SAR1B: variants seen among roughly 807,000 people sequenced by gnomAD.
The protein encoded by SAR1B is secretion associated Ras related GTPase 1B, also known as small COPII coat GTPase SAR1B.
In SAR1B, 23 loss-of-function variants were observed where a neutral mutation model predicts 26.8. That is an observed-to-expected ratio of 0.86 (90% CI 0.62 to 1.22). The LOEUF (loss-of-function observed/expected upper bound fraction) is 1.22. Ranked by LOEUF, SAR1B falls within the 50% of genes most tolerant of loss-of-function variation. The pLI is 0.00. For synonymous variants in SAR1B, 65 were observed against 80.8 expected, an observed-to-expected ratio of 0.80 and a Z score of 1.05; for missense variants, 196 against 232.8, an observed-to-expected ratio of 0.84 and a Z score of 1.03.
intron 3 of SAR1B, among the ~76,000 whole-genome samples, chr5:134,619,658 C>T (rs1765371999): frequency 6.6e-6 from 1 of 152,020 alleles, no homozygotes; most frequent in Admixed American, 6.6e-5. Flanking sequence ...GCCACCACAC[C>T]CACCCTTGTT....
At chr5:134,622,012 C>A (rs1765416837) in intron 2 of SAR1B, among the ~76,000 whole-genome samples, 2 of 152,334 alleles carry the variant, frequency 1.3e-5, no homozygotes, top group South Asian at 4.1e-4. Flanking sequence ...GCGTGAGCCA[C>A]ACGCCCAGCC....
intron 1 of SAR1B, among the ~76,000 whole-genome samples, chr5:134,630,107 T>C (rs1765573661): frequency 6.7e-6 from 1 of 149,778 alleles, no homozygotes; most frequent in South Asian, 2.1e-4. Flanking sequence ...GGGATGAGTA[T>C]TTAAAGTGAG....
At position 134,602,402 on chromosome 5, in the gene SAR1B, G is replaced by A. The variant is rs1765048517; in HGVS notation, c.*4548C>T. 6.6e-6 allele frequency: 1 copy of A among 152,152 alleles called. No individual in the cohort carries two copies. Among genetic ancestry groups the A allele is most frequent in the African/African-American group, 2.4e-5 (1 of 41,432 alleles). The allele number at this position is 152,152 out of a possible 1,614,324, so 9.4% of individuals were successfully genotyped here. On this transcript the variant is annotated 3_prime_UTR_variant, in exon 7 of 7. Coordinates refer to ENST00000402673, the MANE Select transcript of SAR1B (RefSeq NM_016103.4). ...TCTTTAAAATCCAGGTGTTGGGTGG[G>A]GATTTGTGAGGGGGAATGGTAACAG...
At chr5:134,609,907 T>G (rs1353031038) in intron 4 of SAR1B, among the ~76,000 whole-genome samples, 3 of 151,578 alleles carry the variant, frequency 2.0e-5, no homozygotes, top group Non-Finnish European at 4.4e-5. Context: ...CTCTTCCAAT[T>G]ATCATATGTA....
Position 134,604,391 on chromosome 5 carries a change from A to C in SAR1B, c.*2559T>G, listed in dbSNP as rs1206155671. 1 of 152,268 alleles carries C rather than the reference A, an allele frequency of 6.6e-6. No individual in the cohort carries two copies. Among genetic ancestry groups the C allele is most frequent in the African/African-American group, 2.4e-5 (1 of 41,460 alleles). The allele number at this position is 152,268 out of a possible 1,614,324, so 9.4% of individuals were successfully genotyped here. ...TGGATGCACACATTCACACAGGCACATGCAGAGTTGTCTTTCCTCTGTGCT... is the reference window on the plus strand; with the variant it reads ...TGGATGCACACATTCACACAGGCACCTGCAGAGTTGTCTTTCCTCTGTGCT... On this transcript the variant is annotated 3_prime_UTR_variant, in exon 7 of 7. Coordinates refer to ENST00000402673, the MANE Select transcript of SAR1B (RefSeq NM_016103.4).
intron 1 of SAR1B, among the ~76,000 whole-genome samples, chr5:134,629,188 A>G (rs1419601293): frequency 4.7e-5 from 7 of 148,568 alleles, no homozygotes; most frequent in African/African-American, 7.4e-5. Flanking sequence ...TTGGGAGGCC[A>G]AGGTGGGGGG....
rs1377698733 is a variant in SAR1B, at chr5:134,606,958, T to A, written c.589A>T (p.Ile197Phe). 3.1e-6 allele frequency: 5 copies of A among 1,608,982 alleles called. No individual in the cohort carries two copies. The highest frequency in any genetic ancestry group is 4.3e-6 in the Non-Finnish European group (5 of 1,175,292). ...GEGFRWMAQY[I>F]D ...ACCAATGTGAGTTTGTGTTAATCAA[T>A]GTACTGTGCCATCCAGCGGAAGCCT... The change falls in exon 7 of 7, where the codon ATT becomes TTT. Residue 197 changes from isoleucine (I) to phenylalanine (F), a missense_variant. Physicochemically the swap from Ile to Phe is conservative, Grantham distance 21. Coordinates refer to ENST00000402673, the MANE Select transcript of SAR1B (RefSeq NM_016103.4).
chr5:134,628,884 G>A (rs1245376574), intron 1 of SAR1B, among the ~76,000 whole-genome samples: 2 of 151,912 alleles, frequency 1.3e-5, no homozygotes, highest in Non-Finnish European at 2.9e-5. Flanking sequence ...TTGAACTCCT[G>A]ACCTCGAGAT....
intron 3 of SAR1B, among the ~76,000 whole-genome samples, chr5:134,617,231 C>CAA (rs879542262): frequency 7.2e-6 from 1 of 139,186 alleles, no homozygotes; most frequent in Non-Finnish European, 1.6e-5. Flanking sequence ...GACACTGACT[C>CAA]AAAAAAAAAA....
rs540956579 is a variant in SAR1B, at chr5:134,605,879, A to G, written c.*1071T>C. 1.3e-5 allele frequency: 2 copies of G among 152,214 alleles called. No individual in the cohort carries two copies. Among genetic ancestry groups the G allele is most frequent in the African/African-American group, 4.8e-5 (2 of 41,456 alleles). The allele number at this position is 152,214 out of a possible 1,614,324, so 9.4% of individuals were successfully genotyped here. On this transcript the variant is annotated 3_prime_UTR_variant, in exon 7 of 7. Coordinates refer to ENST00000402673, the MANE Select transcript of SAR1B (RefSeq NM_016103.4). ...CAGAACAAGCTGTTTTATTCCTCAG[A>G]TATACATGTCTCTACAATGAAACTG...
At chr5:134,631,202 G>C (rs139762140) in intron 1 of SAR1B, among the ~76,000 whole-genome samples, 1 of 151,858 alleles carries the variant, frequency 6.6e-6, no homozygotes, top group Non-Finnish European at 1.5e-5. Context: ...GTCAAAGGAA[G>C]GTTAAAATAT....
At chr5:134,612,641 T>TTAAAAAAAAA in intron 4 of SAR1B, 50 bp downstream of exon 4, 1 of 764,650 alleles carries the variant, frequency 1.3e-6, no homozygotes, top group East Asian at 9.5e-5. Flanking sequence ...TGAGCCTGTC[T>TTAAAAAAAAA]AAAAAAAAAA....
intron 2 of SAR1B, among the ~76,000 whole-genome samples, 190 bp from the exon 3 acceptor site, chr5:134,621,242 G>T (rs1765402296): frequency 6.6e-6 from 1 of 152,132 alleles, no homozygotes; most frequent in African/African-American, 2.4e-5. Flanking sequence ...GGCCGAGGTG[G>T]GCGGATCACC....
chr5:134,627,410 G>A lies in SAR1B; in HGVS notation c.-18-3373C>T, dbSNP rs566829423. Reference sequence around the variant, plus strand: ...CCAGGGAGCGCCGTCTCTGCTCACTGCAACCTCAATCTCGGGGACTCAAGC... The same window carrying A: ...CCAGGGAGCGCCGTCTCTGCTCACTACAACCTCAATCTCGGGGACTCAAGC... On this transcript the variant is annotated intron_variant, in intron 1 of 6. Transcript: ENST00000402673. Among the ~76,000 whole-genome samples the A allele has an allele frequency of 3.3e-5, 5 of 151,946 alleles. No individual in the cohort carries two copies. In the South Asian group the frequency reaches 8.3e-4, roughly 25 times the overall value.
chr5:134,624,897 G>A (rs768339175), intron 1 of SAR1B, among the ~76,000 whole-genome samples: 3 of 152,098 alleles, frequency 2.0e-5, no homozygotes, highest in Non-Finnish European at 4.4e-5. Flanking sequence ...AAAAGTGCTG[G>A]GATTACAGGC....
Position 134,603,061 on chromosome 5 carries a change from T to A in SAR1B, c.*3889A>T, listed in dbSNP as rs1281900734. ...CTTATGTTTGCTAATTTCTATTTTT[T>A]CATTGTTTCTTGAAGATTTTTTAAT... On this transcript the variant is annotated 3_prime_UTR_variant, in exon 7 of 7. Coordinates refer to ENST00000402673, the MANE Select transcript of SAR1B (RefSeq NM_016103.4). 1 of 152,248 alleles carries A rather than the reference T, an allele frequency of 6.6e-6. No individual in the cohort carries two copies. Among genetic ancestry groups the A allele is most frequent in the African/African-American group, 2.4e-5 (1 of 41,452 alleles). The allele number at this position is 152,248 out of a possible 1,614,324, so 9.4% of individuals were successfully genotyped here.
Position 134,620,946 on chromosome 5 carries a change from T to G in SAR1B, c.165A>C (p.Pro55=), listed in dbSNP as rs769183760. Residue 55 remains proline, a synonymous_variant, in exon 3 of 7, where the codon CCA becomes CCC. Transcript: ENST00000402673. ...LKDDRLGQHV[P]TLHPTSEELT... is the part of the protein sequence containing the mutation. ...GAATATACTTACTGGGATGTAATGT[T>G]GGGACATGTTGTCCAAGTCTGTCAT... The G allele has an allele frequency of 2.7e-5, 44 of 1,613,930 alleles. No individual in the cohort carries two copies. The highest frequency in any genetic ancestry group is 3.6e-5 in the Non-Finnish European group (43 of 1,179,798).
At chr5:134,624,607 A>C (rs1765465058) in intron 1 of SAR1B, among the ~76,000 whole-genome samples, 1 of 150,572 alleles carries the variant, frequency 6.6e-6, no homozygotes, top group Admixed American at 6.8e-5. Flanking sequence ...AATGTTGGAA[A>C]TGGGATAAGG....
At position 134,605,809 on chromosome 5, in the gene SAR1B, G is replaced by C. The variant is rs1031329708; in HGVS notation, c.*1141C>G. The C allele has an allele frequency of 1.3e-5, 2 of 151,964 alleles. No individual in the cohort carries two copies. The highest frequency in any genetic ancestry group is 4.1e-4 in the South Asian group (2 of 4,822). 9.4% of individuals were successfully genotyped at this position (151,964 alleles called of 1,614,324 possible). A position where few individuals can be genotyped will look rare whatever the true frequency, so the allele number is the denominator to read the frequency against. On this transcript the variant is annotated 3_prime_UTR_variant, in exon 7 of 7. Transcript: ENST00000402673. ...ATAAAATATGCCAAAGAATACAAAA[G>C]AGCTATAGGATAGGAACAAAATCTC...
Sources: allele counts gnomAD v4.1 joint callset (sites outside exome capture counted in the v4.1 genomes callset), GRCh38; gene constraint gnomAD v4.1.1; transcripts MANE v1.5; gene names NCBI Gene and HGNC (gene_info 2026-07-23, HGNC 2026-07-21).